Variants in SCFD1 observed in about 807,000 individuals in gnomAD.
SCFD1 encodes sec1 family domain containing 1, also known as sec1 family domain-containing protein 1.
Under a neutral mutation model 103.2 loss-of-function variants are expected in SCFD1, and 37 were observed. The observed-to-expected ratio is 0.36, with a 90% confidence interval of 0.28 to 0.47. The LOEUF is 0.47. Among genes scored for constraint, SCFD1 ranks in the 20% least tolerant of loss-of-function variants. The pLI is 1.00. For missense variants in SCFD1, 639 were observed against 761.2 expected (o/e 0.84, Z 1.89); for synonymous variants, 264 against 245.0 (o/e 1.08, Z -0.73).
At chr14:30,679,469 AT>A (rs1889301525) in intron 14 of SCFD1, among the ~76,000 whole-genome samples, 5 of 152,144 alleles carry the variant, frequency 3.3e-5, no homozygotes. Flanking sequence ...TGTCTCTAAA[AT>A]TTTTTATTCC....
At chr14:30,683,143 AG>A in intron 14 of SCFD1, 1 of 1,136,250 alleles carries the variant, frequency 8.8e-7, no homozygotes, top group Non-Finnish European at 1.3e-6. Flanking sequence ...TGTGTGTTCA[AG>A]GGGCTATCAA....
At chr14:30,734,452 T>A in intron 23 of SCFD1, 1 of 304,068 alleles carries the variant, frequency 3.3e-6, no homozygotes, top group South Asian at 3.6e-5. Context: ...GTAGTACACA[T>A]CCTACATTGG....
rs1202899772 is a variant in SCFD1, at chr14:30,715,913, C to T, written c.1630-11C>T. On this transcript the variant is annotated splice_polypyrimidine_tract_variant and intron_variant, in intron 19 of 24. Transcript: ENST00000458591. ...TAATATTCTAATATTTAACAAAATA[C>T]TTTTCCACAGAATCTACCTGTTACT... The T allele has an allele frequency of 4.7e-6, 7 of 1,500,204 alleles. No homozygotes were observed. Among genetic ancestry groups the T allele is most frequent in the Non-Finnish European group, 6.4e-6 (7 of 1,098,682 alleles). The allele number at this position is 1,500,204 out of a possible 1,614,324, so 92.9% of individuals were successfully genotyped here. A position where few individuals can be genotyped will look rare whatever the true frequency, so the allele number is the denominator to read the frequency against.
In SCFD1 at chr14:30,633,957, T is replaced by G; in HGVS notation, c.232T>G (p.Ser78Ala). The change falls in exon 4 of 25, where the codon TCT (serine) becomes GCT (alanine). Residue 78 changes from serine to alanine, a missense_variant. Physicochemically the swap from Ser to Ala is moderately conservative, Grantham distance 99 (BLOSUM62 1). Transcript: ENST00000458591. ...CCTTATGTCTTCTAGGCTTTTACAC[T>G]CTGATCGAGATCCTATTCCAGATGT... ...MGITLHLLLH[S>A]DRDPIPDVPA... The G allele has an allele frequency of 6.3e-7, 1 of 1,587,638 alleles. No homozygotes were observed. The highest frequency in any genetic ancestry group is 8.6e-7 in the Non-Finnish European group (1 of 1,164,086).
intron 14 of SCFD1, among the ~76,000 whole-genome samples, chr14:30,677,750 T>C (rs1022124088): frequency 4.6e-5 from 7 of 151,160 alleles, no homozygotes; most frequent in African/African-American, 1.7e-4. Flanking sequence ...TTTTGCTCCG[T>C]AATCTCTTCT....
chr14:30,639,443 A>C (rs894041412), intron 5 of SCFD1, among the ~76,000 whole-genome samples: 1 of 152,228 alleles, frequency 6.6e-6, no homozygotes, highest in Non-Finnish European at 1.5e-5. Context: ...AATGTGATGA[A>C]AATGATTGTT....
At chr14:30,665,967 G>A (rs1311172953) in intron 10 of SCFD1, among the ~76,000 whole-genome samples, 3 of 152,126 alleles carry the variant, frequency 2.0e-5, no homozygotes, top group Non-Finnish European at 4.4e-5. Flanking sequence ...ATAATAATGG[G>A]AGACTTTAAC....
intron 19 of SCFD1, among the ~76,000 whole-genome samples, chr14:30,712,983 A>G (rs544204377): frequency 6.6e-6 from 1 of 152,316 alleles, no homozygotes; most frequent in East Asian, 1.9e-4. Flanking sequence ...TGTTGAGCAA[A>G]GAATATTGTA....
intron 16 of SCFD1, 95 bp downstream of exon 16, chr14:30,700,353 C>G: frequency 1.2e-6 from 1 of 839,870 alleles, no homozygotes; most frequent in Non-Finnish European, 2.0e-6. Context: ...ATCACTGTGG[C>G]TAAATATCTG....
intron 14 of SCFD1, among the ~76,000 whole-genome samples, chr14:30,693,640 C>T (rs912031726): frequency 6.6e-6 from 1 of 152,186 alleles, no homozygotes; most frequent in African/African-American, 2.4e-5. Context: ...ATCACTTCCT[C>T]CTCAATTGGC....
chr14:30,631,302 G>A (rs993393398), intron 3 of SCFD1, among the ~76,000 whole-genome samples: 2 of 152,110 alleles, frequency 1.3e-5, no homozygotes, highest in East Asian at 1.9e-4. Context: ...GCAGTGAGCC[G>A]AGACTGTGCC....
chr14:30,673,914 T>G lies in SCFD1; in HGVS notation c.1087-10T>G, dbSNP rs756675520. ...TTTGAGTAGCTATTGAGACCTTTTTTCTTTACAAGGGACTAGAAGGGGAAG... is the reference window on the plus strand; with the variant it reads ...TTTGAGTAGCTATTGAGACCTTTTTGCTTTACAAGGGACTAGAAGGGGAAG... On this transcript the variant is annotated splice_polypyrimidine_tract_variant and intron_variant, in intron 12 of 24. Transcript: ENST00000458591. 3.1e-6 allele frequency: 5 copies of G among 1,609,598 alleles called. No individual in the cohort carries two copies. Among genetic ancestry groups the G allele is most frequent in the Non-Finnish European group, 4.3e-6 (5 of 1,176,034 alleles).
At chr14:30,642,496 T>G (rs1298748440) in intron 6 of SCFD1, among the ~76,000 whole-genome samples, 1 of 152,190 alleles carries the variant, frequency 6.6e-6, no homozygotes, top group Non-Finnish European at 1.5e-5. Context: ...TTTCCCCATA[T>G]TCCCTGGGTG....
chr14:30,720,454 C>G (rs935918170), intron 21 of SCFD1, among the ~76,000 whole-genome samples: 2 of 152,158 alleles, frequency 1.3e-5, no homozygotes, highest in African/African-American at 4.8e-5. Flanking sequence ...CTCCAGCTTA[C>G]ATTTTTTCCT....
Position 30,630,524 on chromosome 14 carries a change from A to G in SCFD1, c.180A>G (p.Leu60=). Residue 60 remains leucine (L), a synonymous_variant, in exon 3 of 25, where the codon CTA becomes CTG. Transcript: ENST00000458591. ...GCCAAGATATAATCTCTCCTCTGCT[A>G]TCTGTGAAGGAGCTAAGAGACATGG... is the stretch of plus-strand genomic sequence containing the variant. The part of the protein sequence containing the change: ...RFGQDIISPL[L]SVKELRDMGI... 6.2e-7 allele frequency: 1 copy of G among 1,605,086 alleles called. No homozygotes were observed. Among genetic ancestry groups the G allele is most frequent in the Non-Finnish European group, 8.5e-7 (1 of 1,172,376 alleles).
At chr14:30,630,936 C>G (rs1223526355) in intron 3 of SCFD1, 1 of 180,342 alleles carries the variant, frequency 5.5e-6, no homozygotes, top group Non-Finnish European at 1.1e-5. Context: ...TTTTGTAAGT[C>G]AAAAAAATGC....
At chr14:30,670,208 T>C in intron 10 of SCFD1, 48 bp from the exon 11 acceptor site, 2 of 1,451,796 alleles carry the variant, frequency 1.4e-6, no homozygotes, top group Non-Finnish European at 1.9e-6. Flanking sequence ...ATTCTATTTT[T>C]ATTAGACTTA....
intron 5 of SCFD1, 88 bp from the exon 6 acceptor site, chr14:30,639,689 T>C: frequency 7.6e-7 from 1 of 1,320,224 alleles, no homozygotes; most frequent in Non-Finnish European, 9.9e-7. Flanking sequence ...TTTTCATTTC[T>C]ACCATTGGTA....
intron 14 of SCFD1, among the ~76,000 whole-genome samples, chr14:30,691,578 G>A (rs944735914): frequency 4.6e-5 from 7 of 152,048 alleles, no homozygotes; most frequent in Admixed American, 4.6e-4. Context: ...TATATTAAAG[G>A]GCTGTTACTT....
Sources: allele counts gnomAD v4.1 joint callset (sites outside exome capture counted in the v4.1 genomes callset), GRCh38; gene constraint gnomAD v4.1.1; transcripts MANE v1.5; gene names NCBI Gene and HGNC (gene_info 2026-07-23, HGNC 2026-07-21).